Variants in SLC25A21 observed in about 807,000 individuals in gnomAD.
SLC25A21 encodes the protein mitochondrial 2-oxodicarboxylate carrier.
In SLC25A21, 47 loss-of-function variants were observed where a neutral mutation model predicts 43.8. That is an observed-to-expected ratio of 1.07 (90% CI 0.85 to 1.37). The LOEUF (loss-of-function observed/expected upper bound fraction) is 1.37. SLC25A21 is among the 40% of genes most tolerant of loss of function. The pLI is 0.00. For synonymous variants in SLC25A21, 131 were observed against 121.3 expected (o/e 1.08, Z -0.52); for missense variants, 352 against 350.2 (o/e 1.00, Z -0.04).
chr14:37,021,267 T>A (rs573937786), intron 1 of SLC25A21, among the ~76,000 whole-genome samples: 1 of 151,704 alleles, frequency 6.6e-6, no homozygotes, highest in South Asian at 2.1e-4. Flanking sequence ...CCAGAGGGAG[T>A]GGGGAGTGGG....
In SLC25A21 at chr14:36,989,545, T is replaced by C. The variant is rs79343129; in HGVS notation, c.71-114541A>G. Among the ~76,000 whole-genome samples, 2,744 of 152,148 alleles carry C rather than the reference T, an allele frequency of 0.018. 193 individuals are homozygous for C. The East Asian group carries it at 0.25, about 14-fold the overall frequency. On this transcript the variant is annotated intron_variant, in intron 1 of 9. Transcript: ENST00000331299. ...TTTAATTTTAACTACAGACAGCCTG[T>C]TAATGAACTTTTAATCACATTATTT...
At chr14:36,943,317 G>A (rs1325445981) in intron 1 of SLC25A21, among the ~76,000 whole-genome samples, 5 of 151,974 alleles carry the variant, frequency 3.3e-5, no homozygotes, top group African/African-American at 9.7e-5. Flanking sequence ...TCAGCCTCCC[G>A]ACTAGCTAGA....
intron 1 of SLC25A21, among the ~76,000 whole-genome samples, chr14:37,093,639 G>A (rs1246466981): frequency 2.0e-5 from 3 of 152,282 alleles, no homozygotes; most frequent in East Asian, 1.9e-4. Context: ...GTAAGAAAGA[G>A]GCTTCCTTTT....
intron 2 of SLC25A21, among the ~76,000 whole-genome samples, chr14:36,833,906 T>C (rs1328149878): frequency 6.6e-6 from 1 of 152,194 alleles, no homozygotes; most frequent in Non-Finnish European, 1.5e-5. Flanking sequence ...CTAAGAAATG[T>C]GCATGGGCTG....
intron 3 of SLC25A21, among the ~76,000 whole-genome samples, chr14:36,755,382 C>A (rs1195159639): frequency 6.6e-6 from 1 of 152,212 alleles, no homozygotes. Flanking sequence ...CATGTATGCA[C>A]ACAAGCACTC....
chr14:37,095,151 G>A (rs1222077358), intron 1 of SLC25A21, among the ~76,000 whole-genome samples: 2 of 152,056 alleles, frequency 1.3e-5, no homozygotes, highest in Non-Finnish European at 2.9e-5. Context: ...TGTCTGTTTT[G>A]ATCACTGCTA....
At chr14:36,689,980 G>A (rs919280621) in intron 7 of SLC25A21, among the ~76,000 whole-genome samples, 4 of 152,178 alleles carry the variant, frequency 2.6e-5, no homozygotes, top group Admixed American at 2.0e-4. Context: ...GGAAACAGGG[G>A]TTGTTTCTTC....
intron 1 of SLC25A21, among the ~76,000 whole-genome samples, chr14:37,105,384 G>C (rs1007656083): frequency 4.6e-5 from 7 of 152,150 alleles, no homozygotes; most frequent in African/African-American, 1.7e-4. Flanking sequence ...CTAAGGAGGT[G>C]CAGGCCAAGA....
chr14:36,782,959 AT>A (rs200650977), intron 3 of SLC25A21, among the ~76,000 whole-genome samples: 24,143 of 143,406 alleles, frequency 0.17, 2,215 homozygotes, highest in Middle Eastern at 0.26. Flanking sequence ...TAATAAAAAA[AT>A]ATAAATAAAT....
intron 1 of SLC25A21, among the ~76,000 whole-genome samples, chr14:37,099,450 A>G (rs951608532): frequency 2.0e-5 from 3 of 152,112 alleles, no homozygotes; most frequent in African/African-American, 7.2e-5. Context: ...TGTTGTCTCA[A>G]TCATCCTCCT....
rs116307523 is a variant in SLC25A21 at position 36,775,395 on chromosome 14, G to A, written c.203+38523C>T. On this transcript the variant is annotated intron_variant, in intron 3 of 9. Transcript: ENST00000331299. Reference sequence around the variant, plus strand: ...TTGTACAGCCCTCCCGAAAAAAATCGTTTCCCAGCTAATTTATATAATATT... The same window carrying A: ...TTGTACAGCCCTCCCGAAAAAAATCATTTCCCAGCTAATTTATATAATATT... Among the ~76,000 whole-genome samples, 296 of 152,190 alleles carry A rather than the reference G, an allele frequency of 1.9e-3. 3 individuals are homozygous for A. The highest frequency in any genetic ancestry group is 6.7e-3 in the African/African-American group (280 of 41,508).
At chr14:36,699,155 T>C (rs1422706658) in intron 7 of SLC25A21, among the ~76,000 whole-genome samples, 2 of 152,118 alleles carry the variant, frequency 1.3e-5, no homozygotes, top group Non-Finnish European at 2.9e-5. Flanking sequence ...TTCCTTTCTG[T>C]TTGTTAGTTT....
chr14:36,817,036 T>C (rs554226209), intron 2 of SLC25A21, among the ~76,000 whole-genome samples: 1 of 152,346 alleles, frequency 6.6e-6, no homozygotes, highest in African/African-American at 2.4e-5. Flanking sequence ...TAGATGCTTT[T>C]CATAATATCC....
In SLC25A21 at chr14:36,711,583, T is replaced by A; in HGVS notation, c.439-101A>T. The A allele has an allele frequency of 3.1e-6, 4 of 1,303,572 alleles. No individual in the cohort carries two copies. The South Asian group carries it at 6.6e-5, about 22-fold the overall frequency. The allele number at this position is 1,303,572 out of a possible 1,614,324, so 80.8% of individuals were successfully genotyped here. On this transcript the variant is annotated intron_variant, in intron 6 of 9. Transcript: ENST00000331299. ...CCTTCAAGCCAGAATTATTAGGGACTTTTTTCCCCCAGATATGAATAATCA... is the reference window on the plus strand; with the variant it reads ...CCTTCAAGCCAGAATTATTAGGGACATTTTTCCCCCAGATATGAATAATCA...
At chr14:36,741,396 T>C (rs980133480) in intron 3 of SLC25A21, among the ~76,000 whole-genome samples, 4 of 152,166 alleles carry the variant, frequency 2.6e-5, no homozygotes, top group Non-Finnish European at 5.9e-5. Context: ...ACCATAAAAC[T>C]AAACTGATAC....
At chr14:37,160,533 A>T (rs1963921608) in intron 1 of SLC25A21, among the ~76,000 whole-genome samples, 1 of 152,198 alleles carries the variant, frequency 6.6e-6, no homozygotes, top group East Asian at 1.9e-4. Context: ...GCATGGAAGT[A>T]GAGTAGAAAA....
intron 1 of SLC25A21, among the ~76,000 whole-genome samples, chr14:36,945,381 G>A (rs573718851): frequency 2.6e-5 from 4 of 152,210 alleles, no homozygotes; most frequent in Admixed American, 2.6e-4. Context: ...CCAAAGAACT[G>A]AAAGCAGAGA....
intron 1 of SLC25A21, among the ~76,000 whole-genome samples, chr14:36,890,111 G>A (rs543309396): frequency 5.3e-5 from 8 of 152,276 alleles, no homozygotes; most frequent in African/African-American, 1.4e-4. Flanking sequence ...AACCTAGAGT[G>A]AGGATAAGGA....
At chr14:37,083,497 T>C (rs944409347) in intron 1 of SLC25A21, among the ~76,000 whole-genome samples, 2 of 152,182 alleles carry the variant, frequency 1.3e-5, no homozygotes, top group Non-Finnish European at 1.5e-5. Flanking sequence ...CTTCATAACA[T>C]TTATATACGG....
Sources: gnomAD v4.1 joint callset for allele counts (sites outside exome capture counted in the v4.1 genomes callset) on GRCh38, gnomAD v4.1.1 for gene constraint, MANE v1.5 for transcripts, NCBI Gene and HGNC (gene_info 2026-07-23, HGNC 2026-07-21) for gene names.